Variants in FSD2 observed in about 807,000 individuals in gnomAD.
The protein encoded by FSD2 is fibronectin type III and SPRY domain containing 2, also known as fibronectin type III and SPRY domain-containing protein 2.
Under a neutral mutation model 80.4 loss-of-function variants are expected in FSD2, and 71 were observed. That is an observed-to-expected ratio of 0.88 (90% CI 0.73 to 1.08). The LOEUF is 1.08. Ranked by LOEUF, FSD2 falls within the 50% of genes least tolerant of loss-of-function variation. The pLI is 0.00. For missense variants in FSD2, 923 were observed against 913.8 expected (o/e 1.01, Z -0.13); for synonymous variants, 361 against 329.5 (o/e 1.10, Z -1.03).
chr15:82,783,050 T>TCA (rs1311810093), intron 3 of FSD2, 25 bp from the exon 4 acceptor site: 1 of 1,516,334 alleles, frequency 6.6e-7, no homozygotes, highest in Non-Finnish European at 9.1e-7. Context: ...ATCTCAGTCA[T>TCA]CATTTCAGCG....
intron 4 of FSD2, 71 bp from the exon 5 acceptor site, chr15:82,780,338 T>A: frequency 1.0e-5 from 4 of 394,850 alleles, no homozygotes; most frequent in Non-Finnish European, 1.6e-5. Flanking sequence ...TCTTTCTTTC[T>A]TTTTTTTTTT....
intron 1 of FSD2, among the ~76,000 whole-genome samples, chr15:82,794,019 A>G (rs2050205808): frequency 6.6e-6 from 1 of 151,132 alleles, no homozygotes; most frequent in South Asian, 2.1e-4. Context: ...AATACTTATT[A>G]TTTCCTTCCT....
At chr15:82,775,081 G>GTGCA (rs2049683156) in intron 6 of FSD2, among the ~76,000 whole-genome samples, 1 of 151,466 alleles carries the variant, frequency 6.6e-6, no homozygotes, top group African/African-American at 2.4e-5. Flanking sequence ...AGCTCAGGGG[G>GTGCA]TCTGCAGGGT....
At chr15:82,785,355 C>T (rs7182461) in intron 3 of FSD2, among the ~76,000 whole-genome samples, 1,606 of 150,840 alleles carry the variant, frequency 0.011, 25 homozygotes, top group African/African-American at 0.037. Flanking sequence ...GATGGAGTCT[C>T]GCTGTGTTGC....
chr15:82,756,447 C>T lies in FSD2; in HGVS notation c.*2901G>A, dbSNP rs2049180218. On this transcript the variant is annotated 3_prime_UTR_variant, in exon 13 of 13. Coordinates refer to ENST00000334574, the MANE Select transcript of FSD2 (RefSeq NM_001007122.4). ...ATTTGCTCTGCTTTTTACTTTTGACCAAGTATACACTTCAGAAATATCTTA... is the reference window on the plus strand; with the variant it reads ...ATTTGCTCTGCTTTTTACTTTTGACTAAGTATACACTTCAGAAATATCTTA... 6.6e-6 allele frequency: 1 copy of T among 152,514 alleles called. No individual in the cohort carries two copies. Among genetic ancestry groups the T allele is most frequent in the Admixed American group, 6.5e-5 (1 of 15,306 alleles). The allele number at this position is 152,514 out of a possible 1,614,324, so 9.4% of individuals were successfully genotyped here. A position where few individuals can be genotyped will look rare whatever the true frequency, so the allele number is the denominator to read the frequency against.
At chr15:82,802,346 G>A (rs1196390218) in intron 1 of FSD2, among the ~76,000 whole-genome samples, 1 of 152,102 alleles carries the variant, frequency 6.6e-6, no homozygotes, top group African/African-American at 2.4e-5. Flanking sequence ...GGTTCCCAAG[G>A]TCAAAGTTCC....
intron 6 of FSD2, among the ~76,000 whole-genome samples, chr15:82,775,089 G>A (rs80030755): frequency 0.14 from 20,944 of 151,210 alleles, 1,908 homozygotes; most frequent in South Asian, 0.33. Context: ...GGGTCTGCAG[G>A]GTTTTCTACA....
At chr15:82,800,562 G>A (rs1566984075) in intron 1 of FSD2, among the ~76,000 whole-genome samples, 1 of 151,550 alleles carries the variant, frequency 6.6e-6, no homozygotes, top group Non-Finnish European at 1.5e-5. Flanking sequence ...CGTCGTGGTG[G>A]GTGCCTGTAA....
At chr15:82,801,140 G>A (rs1391952963) in intron 1 of FSD2, among the ~76,000 whole-genome samples, 2 of 152,168 alleles carry the variant, frequency 1.3e-5, no homozygotes, top group African/African-American at 4.8e-5. Flanking sequence ...CTATGCTGCT[G>A]TGTCTGGTGA....
intron 6 of FSD2, among the ~76,000 whole-genome samples, chr15:82,773,595 C>A (rs1432257709): frequency 6.6e-6 from 1 of 152,188 alleles, no homozygotes; most frequent in Non-Finnish European, 1.5e-5. Flanking sequence ...TTCCCAATGA[C>A]TAATGATCAT....
intron 12 of FSD2, among the ~76,000 whole-genome samples, chr15:82,761,095 G>A (rs995049327): frequency 2.0e-5 from 3 of 152,138 alleles, no homozygotes; most frequent in Non-Finnish European, 4.4e-5. Context: ...GTTATCGGAG[G>A]GGAAGTTGGT....
intron 10 of FSD2, 134 bp from the exon 11 acceptor site, chr15:82,765,432 C>G (rs1455987036): frequency 2.7e-6 from 3 of 1,107,338 alleles, no homozygotes; most frequent in Admixed American, 5.3e-5. Flanking sequence ...GTCCAGTTAA[C>G]AAGGATGGCA....
intron 1 of FSD2, among the ~76,000 whole-genome samples, chr15:82,793,587 A>G (rs1423899319): frequency 6.6e-6 from 1 of 152,202 alleles, no homozygotes; most frequent in Non-Finnish European, 1.5e-5. Context: ...AAGAAAGGAA[A>G]TGTATGTCAA....
rs2050019357 is a variant in FSD2, at chr15:82,787,090, A to AT, written c.300_301insA (p.Ser101IlefsTer23). The stretch of plus-strand genomic sequence containing the variant: ...TTCATCATATAAGGAGGATATTCTG[A>AT]AACCCCTGTTCTGGGTATGTTTTCA... On this transcript the variant is annotated frameshift_variant, in exon 2 of 13. Coordinates refer to ENST00000334574, the MANE Select transcript of FSD2 (RefSeq NM_001007122.4). LOFTEE classifies it high-confidence loss of function. The AT allele has an allele frequency of 6.2e-7, 1 of 1,613,842 alleles. No homozygotes were observed. The highest frequency in any genetic ancestry group is 8.5e-7 in the Non-Finnish European group (1 of 1,179,896).
chr15:82,780,291 T>C (rs1331879595), intron 4 of FSD2, 24 bp from the exon 5 acceptor site: 2 of 1,447,656 alleles, frequency 1.4e-6, no homozygotes, highest in Middle Eastern at 1.8e-4. Flanking sequence ...AGAGAAAATA[T>C]TAAGTTGATT....
chr15:82,756,058 A>G lies in FSD2; in HGVS notation c.*3290T>C. On this transcript the variant is annotated 3_prime_UTR_variant, in exon 13 of 13. Coordinates refer to ENST00000334574, the MANE Select transcript of FSD2 (RefSeq NM_001007122.4). ...TGCAAAATAAATTCAAGACCTACTT[A>G]TCTACCAACAGCAATTACACGCTTT... 2.0e-6 allele frequency: 1 copy of G among 493,722 alleles called. No individual in the cohort carries two copies. The highest frequency in any genetic ancestry group is 5.2e-4 in the Middle Eastern group (1 of 1,912). The allele number at this position is 493,722 out of a possible 1,614,324, so 30.6% of individuals were successfully genotyped here.
At position 82,786,522 on chromosome 15, in the gene FSD2, T is replaced by C; in HGVS notation, c.724A>G (p.Ile242Val). Residue 242 changes from isoleucine (I) to valine (V), a missense_variant, in exon 3 of 13, where the codon ATC (isoleucine) becomes GTC (valine). By Grantham distance (29) the Ile-to-Val change is conservative. Transcript: ENST00000334574. Reference protein sequence around the residue: ...NFANHLEEVFITVEENFGKQE... With the variant: ...NFANHLEEVFVTVEENFGKQE... Reference sequence around the variant, plus strand: ...AAGTGTGCTCTTACCTCCACAGTGATGAAAACCTCCTCCAAATGATTTGCA... The same window carrying C: ...AAGTGTGCTCTTACCTCCACAGTGACGAAAACCTCCTCCAAATGATTTGCA... 6.2e-7 allele frequency: 1 copy of C among 1,613,150 alleles called. No individual in the cohort carries two copies. Among genetic ancestry groups the C allele is most frequent in the African/African-American group, 1.3e-5 (1 of 75,062 alleles).
chr15:82,775,249 T>A (rs2049688533), intron 6 of FSD2, among the ~76,000 whole-genome samples: 1 of 151,362 alleles, frequency 6.6e-6, no homozygotes, highest in Non-Finnish European at 1.5e-5. Context: ...ATATAAAAAA[T>A]TAGCCAGGCA....
chr15:82,785,153 G>A (rs2049965226), intron 3 of FSD2, among the ~76,000 whole-genome samples: 2 of 151,972 alleles, frequency 1.3e-5, no homozygotes, highest in African/African-American at 4.8e-5. Context: ...CTTGGCATCT[G>A]GATCAAGGCT....
Sources: gnomAD v4.1 joint callset for allele counts (sites outside exome capture counted in the v4.1 genomes callset) on GRCh38, gnomAD v4.1.1 for gene constraint, MANE v1.5 for transcripts, NCBI Gene and HGNC (gene_info 2026-07-23, HGNC 2026-07-21) for gene names.